Variants in HDAC4 observed in about 807,000 individuals in gnomAD.
The protein encoded by HDAC4 is histone deacetylase A.
In HDAC4, 16 loss-of-function variants were observed where a neutral mutation model predicts 135.1. The ratio of observed to expected loss-of-function variants is 0.12; its 90% CI spans 0.08 to 0.18. The LOEUF (loss-of-function observed/expected upper bound fraction) is 0.18, where lower values mean the gene tolerates loss of function less well. Among genes scored for constraint, HDAC4 ranks in the 10% least tolerant of loss-of-function variants. HDAC4 has a pLI of 1.00. For missense variants in HDAC4, 1,143 were observed against 1,511.8 expected (o/e 0.76, Z 4.05); for synonymous variants, 685 against 653.4 (o/e 1.05, Z -0.74).
In HDAC4 at chr2:239,141,117, G is replaced by A. The variant is rs980512721; in HGVS notation, c.866-1321C>T. The stretch of plus-strand genomic sequence containing the variant: ...GAGGCATGGAGCAGCAACATCACTC[G>A]TCCCAGGCCACGTGGCTTGAGGGAA... On this transcript the variant is annotated intron_variant, in intron 8 of 26. Coordinates refer to ENST00000543185, the MANE Select transcript of HDAC4 (RefSeq NM_001378414.1). The surrounding 1 kb of genome is among the most constrained non-coding windows in gnomAD (Gnocchi z 4.9). The A allele has an allele frequency of 1.1e-5, 3 of 270,506 alleles. No homozygotes were observed. Among genetic ancestry groups the A allele is most frequent in the Non-Finnish European group, 8.0e-6 (1 of 124,972 alleles). 16.8% of individuals were successfully genotyped at this position (270,506 alleles called of 1,614,324 possible).
At chr2:239,174,903 T>A (rs899487513) in intron 5 of HDAC4, among the ~76,000 whole-genome samples, 1 of 152,120 alleles carries the variant, frequency 6.6e-6, no homozygotes, top group African/African-American at 2.4e-5. Flanking sequence ...ATATTAAGGG[T>A]TCCATTTACA....
intron 2 of HDAC4, among the ~76,000 whole-genome samples, chr2:239,261,638 G>A (rs901050116): frequency 9.9e-5 from 15 of 152,196 alleles, no homozygotes; most frequent in African/African-American, 2.7e-4. Flanking sequence ...CACAACCCAC[G>A]GGCTAGAGAC....
intron 5 of HDAC4, among the ~76,000 whole-genome samples, chr2:239,174,938 A>G (rs986568386): frequency 3.9e-5 from 6 of 152,356 alleles, no homozygotes; most frequent in Admixed American, 1.3e-4. Context: ...AGGCAAAATT[A>G]ATCTTCCATG....
chr2:239,290,028 T>C (rs925006900), intron 2 of HDAC4, among the ~76,000 whole-genome samples: 3 of 152,238 alleles, frequency 2.0e-5, no homozygotes, highest in Admixed American at 2.0e-4. Flanking sequence ...GAAAAGATCT[T>C]ATTTTCTAAT....
chr2:239,122,292 T>TA (rs2039761427), intron 12 of HDAC4, among the ~76,000 whole-genome samples: 1 of 152,198 alleles, frequency 6.6e-6, no homozygotes, highest in Non-Finnish European at 1.5e-5. Context: ...GCAAGGCTTC[T>TA]TGCTGTAGGG....
At chr2:239,370,487 G>A (rs1203362692) in intron 1 of HDAC4, among the ~76,000 whole-genome samples, 1 of 152,228 alleles carries the variant, frequency 6.6e-6, no homozygotes, top group Non-Finnish European at 1.5e-5. Context: ...GTCAGCACGG[G>A]CACTCTGGAC....
In HDAC4 at chr2:239,094,815, A is replaced by C. The variant is rs533923208; in HGVS notation, c.2280+195T>G. On this transcript the variant is annotated intron_variant, in intron 17 of 26. Transcript: ENST00000543185. ...CCACCTGCGCCAGACAACCTTCCCC[A>C]GAGAAAGGTGCCCGAGTCGGCGATC... The C allele has an allele frequency of 2.0e-5, 29 of 1,458,186 alleles. No homozygotes were observed. In the South Asian group the frequency reaches 2.8e-4, roughly 14 times the overall value. 90.3% of individuals were successfully genotyped at this position (1,458,186 alleles called of 1,614,324 possible). A position where few individuals can be genotyped will look rare whatever the true frequency, so the allele number is the denominator to read the frequency against.
chr2:239,220,958 C>T (rs1032010126), intron 3 of HDAC4, among the ~76,000 whole-genome samples: 15 of 152,136 alleles, frequency 9.9e-5, no homozygotes, highest in East Asian at 9.6e-4. Context: ...ACCTTGGTAC[C>T]GTGTTGTCAT....
At chr2:239,286,180 TTAAG>T (rs1469439100) in intron 2 of HDAC4, among the ~76,000 whole-genome samples, 1 of 152,182 alleles carries the variant, frequency 6.6e-6, no homozygotes, top group Non-Finnish European at 1.5e-5. Flanking sequence ...TTGAAAAATT[TTAAG>T]TAATGAATCA....
At chr2:239,357,751 T>C (rs1693595480) in intron 1 of HDAC4, among the ~76,000 whole-genome samples, 2 of 150,398 alleles carry the variant, frequency 1.3e-5, no homozygotes, top group South Asian at 2.1e-4. Flanking sequence ...AAGCTGGGCA[T>C]GGTGGTGCAT....
chr2:239,230,833 C>A (rs1355485135), intron 3 of HDAC4, among the ~76,000 whole-genome samples: 1 of 152,208 alleles, frequency 6.6e-6, no homozygotes, highest in Admixed American at 6.5e-5. Flanking sequence ...CACGTCCTTG[C>A]AGATTTGTAC....
At chr2:239,109,801 C>T (rs1005087923) in intron 14 of HDAC4, among the ~76,000 whole-genome samples, 1 of 152,114 alleles carries the variant, frequency 6.6e-6, no homozygotes, top group African/African-American at 2.4e-5. Context: ...CAGTTGCTCA[C>T]GGATACAAGG....
At chr2:239,247,238 G>A (rs1275753145) in intron 2 of HDAC4, among the ~76,000 whole-genome samples, 2 of 152,136 alleles carry the variant, frequency 1.3e-5, no homozygotes, top group African/African-American at 4.8e-5. Flanking sequence ...CTGTTTCCCC[G>A]CAGGCATCCT....
Position 239,221,115 on chromosome 2 carries a change from A to G in HDAC4, c.94+15478T>C, listed in dbSNP as rs563168815. Among the ~76,000 whole-genome samples the G allele has an allele frequency of 4.1e-3, 625 of 152,266 alleles. 7 individuals are homozygous for G. Among genetic ancestry groups the G allele is most frequent in the Non-Finnish European group, 6.5e-3 (444 of 68,016 alleles). On this transcript the variant is annotated intron_variant, in intron 3 of 26. Transcript: ENST00000543185. ...CTGTCTCTCTTTACCTTCCCCGTTT[A>G]CAGGCGCCTTAAATGATTCCTCTAC...
chr2:239,054,719 C>T (rs1312376396), intron 25 of HDAC4, 30 bp downstream of exon 25: 3 of 1,458,810 alleles, frequency 2.1e-6, no homozygotes, highest in African/African-American at 1.4e-5. Flanking sequence ...AGGGGCGTGT[C>T]CCCTGTGAGC....
chr2:239,161,835 GC>G lies in HDAC4; in HGVS notation c.611+1967del, dbSNP rs554426650. ...TGTTTGCCACCCCTCCTCCCTGGAA[GC>G]CCCCCATCTCCCGTCTCTCAGCACG... On this transcript the variant is annotated intron_variant, in intron 6 of 26. Transcript: ENST00000543185. 841 of 384,252 alleles carry G rather than the reference GC, an allele frequency of 2.2e-3. 8 individuals carry two copies. The highest frequency in any genetic ancestry group is 0.016 in the African/African-American group (781 of 47,500). 23.8% of individuals were successfully genotyped at this position (384,252 alleles called of 1,614,324 possible).
chr2:239,128,513 C>T (rs2040350330), intron 11 of HDAC4, among the ~76,000 whole-genome samples: 1 of 147,766 alleles, frequency 6.8e-6, no homozygotes, highest in African/African-American at 2.5e-5. Flanking sequence ...GGGCGACAAA[C>T]GAGACTCTGT....
chr2:239,300,107 A>G (rs67970364), intron 2 of HDAC4, among the ~76,000 whole-genome samples: 30,411 of 152,108 alleles, frequency 0.2, 3,224 homozygotes, highest in Non-Finnish European at 0.22. Flanking sequence ...CAGTCTCCTC[A>G]ACAACCTTGG....
intron 2 of HDAC4, among the ~76,000 whole-genome samples, chr2:239,260,256 T>C (rs2049279326): frequency 6.6e-6 from 1 of 152,208 alleles, no homozygotes; most frequent in Non-Finnish European, 1.5e-5. Flanking sequence ...AAGCATCGCA[T>C]GGTGGGTAAG....
Sources: gnomAD v4.1 joint callset for allele counts (sites outside exome capture counted in the v4.1 genomes callset) on GRCh38, gnomAD v4.1.1 for gene constraint, Gnocchi (gnomAD v3.1) non-coding constraint, MANE v1.5 for transcripts, NCBI Gene and HGNC (gene_info 2026-07-23, HGNC 2026-07-21) for gene names.